The following SMIM8 variants were observed in gnomAD, a reference collection of about 807,000 sequenced individuals.
SMIM8 encodes UPF0708 protein C6orf162.
Under a neutral mutation model 8.1 loss-of-function variants are expected in SMIM8, and 8 were observed. That is an observed-to-expected ratio of 0.99 (90% confidence interval 0.58 to 1.78). The LOEUF is 1.78. SMIM8 is among the 40% of genes most tolerant of loss of function. The pLI is 0.00. For missense variants in SMIM8, 126 were observed against 119.8 expected, an observed-to-expected ratio of 1.05 and a Z score of -0.24; for synonymous variants, 45 against 39.7, an observed-to-expected ratio of 1.13 and a Z score of -0.50.
At chr6:87,325,061 GCTCT>G (rs1176543947) in intron 1 of SMIM8, among the ~76,000 whole-genome samples, 2 of 151,860 alleles carry the variant, frequency 1.3e-5, no homozygotes, top group African/African-American at 2.4e-5. Context: ...TCATGATTTG[GCTCT>G]CTGTTTGTTG....
chr6:87,333,535 G>A (rs551596865), intron 2 of SMIM8, among the ~76,000 whole-genome samples: 5 of 152,234 alleles, frequency 3.3e-5, no homozygotes, highest in African/African-American at 1.2e-4. Context: ...GTGGCTAAGA[G>A]AAGAAAAATG....
rs577101201 is a variant in SMIM8 at position 87,328,860 on chromosome 6, G to A, written c.-44-1832G>A. Among the ~76,000 whole-genome samples the A allele has an allele frequency of 4.1e-4, 62 of 152,146 alleles. No homozygotes were observed. In the East Asian group the frequency reaches 4.8e-3, roughly 12 times the overall value. On this transcript the variant is annotated intron_variant, in intron 1 of 3. Transcript: ENST00000392863. Reference sequence around the variant, plus strand: ...GCGCCCCTCCCCCAGCCTCACTGCCGCCTTGCAGTTTGATCTCAGACTGCT... The same window carrying A: ...GCGCCCCTCCCCCAGCCTCACTGCCACCTTGCAGTTTGATCTCAGACTGCT...
chr6:87,340,255 A>G lies in SMIM8; in HGVS notation c.275A>G (p.Lys92Arg). The change falls in exon 4 of 4, where the codon AAA becomes AGA. Residue 92 changes from lysine to arginine, a missense_variant. Coordinates refer to ENST00000392863, the MANE Select transcript of SMIM8 (RefSeq NM_001042493.3). The part of the protein sequence containing the change: ...DSEGHSYMRR[K>R]TSKWD ...GAGGGGCACAGTTATATGAGGCGGAAAACATCCAAATGGGATTAGTAGTGC... is the reference window on the plus strand; with the variant it reads ...GAGGGGCACAGTTATATGAGGCGGAGAACATCCAAATGGGATTAGTAGTGC... 2 of 1,601,208 alleles carry G rather than the reference A, an allele frequency of 1.2e-6. No individual in the cohort carries two copies. The highest frequency in any genetic ancestry group is 1.7e-6 in the Non-Finnish European group (2 of 1,176,310).
At chr6:87,333,513 A>G (rs1210718964) in intron 2 of SMIM8, among the ~76,000 whole-genome samples, 1 of 152,248 alleles carries the variant, frequency 6.6e-6, no homozygotes, top group Non-Finnish European at 1.5e-5. Context: ...AAATACCTTT[A>G]TAAACACCAT....
intron 1 of SMIM8, among the ~76,000 whole-genome samples, chr6:87,328,372 T>C (rs992455750): frequency 2.6e-5 from 4 of 152,118 alleles, no homozygotes; most frequent in Non-Finnish European, 4.4e-5. Context: ...TTTTTCCCCA[T>C]CTTTGTGGTT....
Position 87,340,340 on chromosome 6 carries a change from G to C in SMIM8, c.*66G>C. On this transcript the variant is annotated 3_prime_UTR_variant, in exon 4 of 4. Coordinates refer to ENST00000392863, the MANE Select transcript of SMIM8 (RefSeq NM_001042493.3). ...GAAATCTTCAAATGAAAGACCTTGT[G>C]AGTGTACAGTATCATGTTTCTTGTT... 2.1e-6 allele frequency: 3 copies of C among 1,428,274 alleles called. No individual in the cohort carries two copies. Among genetic ancestry groups the C allele is most frequent in the South Asian group, 3.3e-5 (2 of 60,894 alleles). The allele number at this position is 1,428,274 out of a possible 1,614,324, so 88.5% of individuals were successfully genotyped here.
Position 87,322,616 on chromosome 6 carries a change from A to C in SMIM8, c.-61A>C, listed in dbSNP as rs1776692074. The stretch of plus-strand genomic sequence containing the variant: ...GCGGGGCGTCTCGGGCGAGGAGAGG[A>C]GGTGACCCCGCGAAAGGTAAGCGGC... On this transcript the variant is annotated 5_prime_UTR_variant, in exon 1 of 4. Coordinates refer to ENST00000392863, the MANE Select transcript of SMIM8 (RefSeq NM_001042493.3). The C allele has an allele frequency of 1.3e-5, 2 of 152,170 alleles. No homozygotes were observed. 9.4% of individuals were successfully genotyped at this position (152,170 alleles called of 1,614,324 possible).
rs537156206 is a variant in SMIM8, at chr6:87,337,097, C to A, written c.66C>A (p.Ser22Arg). ...CACCCAAAGAGAAAGAGTTTCAAAGCCCAGGGCTCAGAGGGGTGCGCACAA... is the reference window on the plus strand; with the variant it reads ...CACCCAAAGAGAAAGAGTTTCAAAGACCAGGGCTCAGAGGGGTGCGCACAA... ...KEPPKEKEFQ[S>R]PGLRGVRTTT... Residue 22 changes from serine (S) to arginine (R), a missense_variant, in exon 3 of 4, where the codon AGC becomes AGA. Coordinates refer to ENST00000392863, the MANE Select transcript of SMIM8 (RefSeq NM_001042493.3). 81 of 1,613,392 alleles carry A rather than the reference C, an allele frequency of 5.0e-5. No homozygotes were observed. The South Asian group carries it at 8.5e-4, about 17-fold the overall frequency.
chr6:87,338,610 C>G (rs956525875), intron 3 of SMIM8, among the ~76,000 whole-genome samples: 1 of 152,182 alleles, frequency 6.6e-6, no homozygotes, highest in African/African-American at 2.4e-5. Flanking sequence ...TTACTTAGCT[C>G]AAGACATGAC....
intron 2 of SMIM8, among the ~76,000 whole-genome samples, chr6:87,334,461 G>GTTTT (rs36086490): frequency 2.0e-5 from 3 of 149,122 alleles, no homozygotes; most frequent in Admixed American, 2.0e-4. Context: ...TTGTTTGTTT[G>GTTTT]TTTTTGGATA....
intron 1 of SMIM8, among the ~76,000 whole-genome samples, chr6:87,330,008 CACTT>C (rs1419182805): frequency 1.3e-5 from 2 of 152,164 alleles, no homozygotes; most frequent in Non-Finnish European, 2.9e-5. Context: ...TCAGAGTTGT[CACTT>C]AAAGACACAC....
At chr6:87,334,434 C>T (rs1777059308) in intron 2 of SMIM8, among the ~76,000 whole-genome samples, 1 of 151,516 alleles carries the variant, frequency 6.6e-6, no homozygotes, top group South Asian at 2.1e-4. Context: ...GCTTCAGTGG[C>T]TTGTTTGTTT....
chr6:87,337,739 A>G (rs1443206283), intron 3 of SMIM8, among the ~76,000 whole-genome samples: 3 of 152,110 alleles, frequency 2.0e-5, no homozygotes, highest in African/African-American at 7.2e-5. Context: ...GGATCCTTGT[A>G]CCTCAGCCTC....
chr6:87,340,155 C>T lies in SMIM8; in HGVS notation c.175C>T (p.Leu59Phe), dbSNP rs757968987. The change falls in exon 4 of 4, where the codon CTT becomes TTT. Residue 59 changes from leucine (L) to phenylalanine (F), a missense_variant. Transcript: ENST00000392863. ...GGCTTTCGGATTGGTAACTCTTTCA[C>T]TTTGCGTGGCATATATTGGTTATCT... ...VMAFGLVTLS[L>F]CVAYIGYLHA... 1.2e-6 allele frequency: 2 copies of T among 1,602,182 alleles called. No homozygotes were observed. The highest frequency in any genetic ancestry group is 1.7e-5 in the Admixed American group (1 of 57,474).
At chr6:87,330,495 A>G (rs927887692) in intron 1 of SMIM8, among the ~76,000 whole-genome samples, 197 bp from the exon 2 acceptor site, 3 of 152,162 alleles carry the variant, frequency 2.0e-5, no homozygotes, top group African/African-American at 7.2e-5. Flanking sequence ...TTGCTAAAGA[A>G]GGGAAAATCA....
Position 87,341,345 on chromosome 6 carries a change from G to A in SMIM8, c.*1071G>A. ...AGCCCTACGGTCAGTACCCACTGGA[G>A]GTGAGAAGCAGAATGGCCTTGGTTG... On this transcript the variant is annotated 3_prime_UTR_variant, in exon 4 of 4. Coordinates refer to ENST00000392863, the MANE Select transcript of SMIM8 (RefSeq NM_001042493.3). 2.5e-6 allele frequency: 1 copy of A among 398,108 alleles called. No homozygotes were observed. The highest frequency in any genetic ancestry group is 4.4e-6 in the Non-Finnish European group (1 of 225,914). The allele number at this position is 398,108 out of a possible 1,614,324, so 24.7% of individuals were successfully genotyped here. A position where few individuals can be genotyped will look rare whatever the true frequency, so the allele number is the denominator to read the frequency against.
chr6:87,337,508 A>G (rs1223453281), intron 3 of SMIM8, among the ~76,000 whole-genome samples: 1 of 152,222 alleles, frequency 6.6e-6, no homozygotes, highest in Admixed American at 6.5e-5. Flanking sequence ...AAGACCTTCC[A>G]TTTAAGCAAG....
intron 1 of SMIM8, among the ~76,000 whole-genome samples, chr6:87,328,202 T>G (rs200431735): frequency 2.0e-5 from 3 of 152,214 alleles, no homozygotes; most frequent in African/African-American, 7.2e-5. Flanking sequence ...TGGTTTGAAT[T>G]TCCTCCCGTA....
At chr6:87,331,471 G>A (rs1272390306) in intron 2 of SMIM8, among the ~76,000 whole-genome samples, 1 of 152,120 alleles carries the variant, frequency 6.6e-6, no homozygotes, top group African/African-American at 2.4e-5. Flanking sequence ...AAATGACTAA[G>A]GTTTTGCATT....
Sources: gnomAD v4.1 joint callset for allele counts (sites outside exome capture counted in the v4.1 genomes callset) on GRCh38, gnomAD v4.1.1 for gene constraint, MANE v1.5 for transcripts, NCBI Gene and HGNC (gene_info 2026-07-23, HGNC 2026-07-21) for gene names.